Variants in PLCXD1 observed in about 807,000 individuals in gnomAD.
PLCXD1 encodes phosphatidylinositol specific phospholipase C X domain containing 1.
A neutral mutation model predicts 37.8 loss-of-function variants in PLCXD1; 45 were observed. The observed-to-expected ratio is 1.19, with a 90% CI of 0.94 to 1.53. The LOEUF is 1.53. Ranked by LOEUF, PLCXD1 falls within the 40% of genes most tolerant of loss-of-function variation. PLCXD1 has a pLI of 0.00. For missense variants in PLCXD1, 539 were observed against 454.7 expected, an observed-to-expected ratio of 1.19 and a Z score of -1.69; for synonymous variants, 246 against 206.9, an observed-to-expected ratio of 1.19 and a Z score of -1.62.
chrX:290,909 G>C, intron 4 of PLCXD1, 133 bp downstream of exon 4: 1 of 311,284 alleles, frequency 3.2e-6, no homozygotes. Flanking sequence ...AGGTGCGGCC[G>C]GGCTGAGGTG....
intron 6 of PLCXD1, among the ~76,000 whole-genome samples, chrX:294,914 G>A (rs867238461): frequency 4.6e-5 from 7 of 152,042 alleles, no homozygotes; most frequent in African/African-American, 1.2e-4. Context: ...AGTGGCTCAC[G>A]CCTGTAATCC....
intron 3 of PLCXD1, among the ~76,000 whole-genome samples, 163 bp from the exon 4 acceptor site, chrX:290,485 C>T (rs1260614802): frequency 6.6e-6 from 1 of 152,018 alleles, no homozygotes; most frequent in Non-Finnish European, 1.5e-5. Flanking sequence ...AATGCAGGTC[C>T]CCGTGGCTGC....
chrX:283,552 G>A (rs1413588184), intron 1 of PLCXD1: 1 of 148,956 alleles, frequency 6.7e-6, no homozygotes, highest in African/African-American at 2.5e-5. Flanking sequence ...TCAGGCCCGG[G>A]TGGGGGCGGC....
Position 301,353 on chromosome X carries a change from AG to A in PLCXD1, c.*2021del, listed in dbSNP as rs2070010316. On this transcript the variant is annotated 3_prime_UTR_variant, in exon 7 of 7. Coordinates refer to ENST00000381657, the MANE Select transcript of PLCXD1 (RefSeq NM_018390.4). ...GAGACGTGGTCTGGCTATGTTGTCC[AG>A]GGTGGTCTCAAACTCCTGGGCTCAA... is the stretch of plus-strand genomic sequence containing the variant. 1 of 151,996 alleles carries A rather than the reference AG, an allele frequency of 6.6e-6. No individual in the cohort carries two copies. Among genetic ancestry groups the A allele is most frequent in the African/African-American group, 2.4e-5 (1 of 41,322 alleles). 9.4% of individuals were successfully genotyped at this position (151,996 alleles called of 1,614,324 possible). A position where few individuals can be genotyped will look rare whatever the true frequency, so the allele number is the denominator to read the frequency against.
chrX:287,454 TTA>T (rs2069485369), intron 2 of PLCXD1, among the ~76,000 whole-genome samples: 2 of 129,766 alleles, frequency 1.5e-5, no homozygotes, highest in Admixed American at 1.6e-4. Context: ...CTATATATGT[TTA>T]TATATAGAAT....
intron 6 of PLCXD1, among the ~76,000 whole-genome samples, chrX:294,915 C>T (rs988192914): frequency 2.6e-5 from 4 of 152,124 alleles, no homozygotes; most frequent in African/African-American, 9.7e-5. Context: ...GTGGCTCACG[C>T]CTGTAATCCC....
chrX:283,876 CTCTTT>C, intron 1 of PLCXD1: 1 of 192,732 alleles, frequency 5.2e-6, no homozygotes. Context: ...CTCTCTCTCT[CTCTTT>C]TTTTTTTTTC....
chrX:289,105 G>T (rs1029315578), intron 3 of PLCXD1, among the ~76,000 whole-genome samples: 26 of 152,096 alleles, frequency 1.7e-4, no homozygotes, highest in Non-Finnish European at 3.5e-4. Flanking sequence ...TTTATTTTTT[G>T]AGACAGGGTC....
chrX:287,774 T>A (rs2069505483), intron 2 of PLCXD1, among the ~76,000 whole-genome samples: 1 of 148,666 alleles, frequency 6.7e-6, no homozygotes, highest in African/African-American at 2.4e-5. Flanking sequence ...TATATTTATA[T>A]CTATATTTAA....
intron 6 of PLCXD1, among the ~76,000 whole-genome samples, chrX:296,368 C>T (rs1181789120): frequency 3.9e-5 from 6 of 152,090 alleles, no homozygotes; most frequent in Non-Finnish European, 7.4e-5. Flanking sequence ...CATGATCCAC[C>T]GGCCTCAACC....
chrX:296,579 G>T (rs1291859791), intron 6 of PLCXD1, among the ~76,000 whole-genome samples: 3 of 152,192 alleles, frequency 2.0e-5, no homozygotes, highest in Admixed American at 6.5e-5. Context: ...GGAGATTCCG[G>T]CTCAGCAGAT....
intron 2 of PLCXD1, among the ~76,000 whole-genome samples, chrX:287,716 A>G (rs1392702120): frequency 6.8e-6 from 1 of 146,410 alleles, no homozygotes; most frequent in Non-Finnish European, 1.5e-5. Context: ...ATGTTTATAT[A>G]TAGATATATG....
chrX:288,147 A>G (rs1428440759), intron 2 of PLCXD1, among the ~76,000 whole-genome samples: 2 of 150,766 alleles, frequency 1.3e-5, no homozygotes, highest in African/African-American at 2.4e-5. Context: ...AGGACCCAGC[A>G]CAAAGCCAAG....
In PLCXD1 at chrX:288,714, G is replaced by C. The variant is rs377547029; in HGVS notation, c.128-19G>C. The C allele has an allele frequency of 1.4e-5, 23 of 1,613,424 alleles. No homozygotes were observed. The highest frequency in any genetic ancestry group is 1.8e-5 in the Non-Finnish European group (21 of 1,179,604). ...GACGGACTCGTGGTGACATGTCCGCGTGTGTGCTTTGCTCTCAGGGAGCCA... is the reference window on the plus strand; with the variant it reads ...GACGGACTCGTGGTGACATGTCCGCCTGTGTGCTTTGCTCTCAGGGAGCCA... On this transcript the variant is annotated intron_variant, in intron 2 of 6. Transcript: ENST00000381657.
rs1281761489 is a variant in PLCXD1, at chrX:302,577, TTATTTA to T, written c.*3244_*3249del. ...CCTGGTTAATTTTGTATTTGTATTT[TTATTTA>T]TGTTTTGAGACGGAGTTTCGCTCTC... On this transcript the variant is annotated 3_prime_UTR_variant, in exon 7 of 7. Coordinates refer to ENST00000381657, the MANE Select transcript of PLCXD1 (RefSeq NM_018390.4). The T allele has an allele frequency of 1.3e-5, 2 of 151,910 alleles. No homozygotes were observed. Among genetic ancestry groups the T allele is most frequent in the Non-Finnish European group, 2.9e-5 (2 of 67,996 alleles). 9.4% of individuals were successfully genotyped at this position (151,910 alleles called of 1,614,324 possible). A position where few individuals can be genotyped will look rare whatever the true frequency, so the allele number is the denominator to read the frequency against.
In PLCXD1 at chrX:302,155, G is replaced by A. The variant is rs1460654970; in HGVS notation, c.*2820G>A. On this transcript the variant is annotated 3_prime_UTR_variant, in exon 7 of 7. Transcript: ENST00000381657. ...ACCCAGGTATCCGCTTGTGCCCTGC[G>A]TGGTGTGGCAGCGTCTTCTCTCGGG... is the stretch of plus-strand genomic sequence containing the variant. 10 of 152,228 alleles carry A rather than the reference G, an allele frequency of 6.6e-5. No homozygotes were observed. Among genetic ancestry groups the A allele is most frequent in the Middle Eastern group, 3.4e-3 (1 of 294 alleles). 9.4% of individuals were successfully genotyped at this position (152,228 alleles called of 1,614,324 possible).
At chrX:290,286 T>C (rs749595616) in intron 3 of PLCXD1, among the ~76,000 whole-genome samples, 65 of 151,920 alleles carry the variant, frequency 4.3e-4, no homozygotes, top group African/African-American at 1.0e-3. Flanking sequence ...CAAAATTAGC[T>C]GGGCGCGGTG....
At chrX:292,327 CG>C (rs1455171758) in intron 5 of PLCXD1, among the ~76,000 whole-genome samples, 1 of 151,868 alleles carries the variant, frequency 6.6e-6, no homozygotes, top group Non-Finnish European at 1.5e-5. Context: ...GGCGTGGTGG[CG>C]GGCGCCTGTA....
intron 6 of PLCXD1, among the ~76,000 whole-genome samples, chrX:293,580 T>C (rs1240489703): frequency 6.6e-6 from 1 of 152,076 alleles, no homozygotes; most frequent in Non-Finnish European, 1.5e-5. Context: ...ACCAATGTGA[T>C]GAAACCCTGT....
Sources: allele counts gnomAD v4.1 joint callset (sites outside exome capture counted in the v4.1 genomes callset), GRCh38; gene constraint gnomAD v4.1.1; transcripts MANE v1.5; gene names NCBI Gene and HGNC (gene_info 2026-07-23, HGNC 2026-07-21).